The following DTNA variants were observed in gnomAD, a reference collection of about 807,000 sequenced individuals.
DTNA encodes dystrophin-related protein 3.
Under a neutral mutation model 100.7 loss-of-function variants are expected in DTNA, and 43 were observed. That is an observed-to-expected ratio of 0.43 (90% CI 0.33 to 0.55). The LOEUF is 0.55. Ranked by LOEUF, DTNA falls within the 20% of genes least tolerant of loss-of-function variation. DTNA has a pLI of 0.04. For missense variants in DTNA, 798 were observed against 953.9 expected (o/e 0.84, Z 2.15); for synonymous variants, 349 against 347.9 (o/e 1.00, Z -0.04).
rs563997816 is a variant in DTNA, at chr18:34,825,012, C to A, written c.1002-2581C>A. On this transcript the variant is annotated intron_variant, in intron 9 of 22. Coordinates refer to ENST00000444659, the MANE Select transcript of DTNA (RefSeq NM_001386795.1). ...ACTAATACACACACATATACACACA[C>A]ATACATACATTTGTATATGGAAATG... Among the ~76,000 whole-genome samples, 7 of 149,810 alleles carry A rather than the reference C, an allele frequency of 4.7e-5. No homozygotes were observed. The South Asian group carries it at 1.5e-3, about 32-fold the overall frequency.
intron 4 of DTNA, among the ~76,000 whole-genome samples, chr18:34,798,039 G>A (rs976473785): frequency 6.6e-5 from 10 of 152,014 alleles, no homozygotes; most frequent in Admixed American, 3.3e-4. Flanking sequence ...TCACTCTGCC[G>A]CCCAGGCTGG....
At chr18:34,863,340 G>A (rs1037486923) in intron 16 of DTNA, among the ~76,000 whole-genome samples, 2 of 152,278 alleles carry the variant, frequency 1.3e-5, no homozygotes, top group African/African-American at 4.8e-5. Flanking sequence ...AATTAAGCAT[G>A]AACCTTATAT....
intron 20 of DTNA, among the ~76,000 whole-genome samples, chr18:34,881,464 A>ATTTTTTTTTTTTTT (rs2096872730): frequency 2.9e-5 from 1 of 34,564 alleles, no homozygotes; most frequent in African/African-American, 1.6e-4. Context: ...TTTTTTTTTC[A>ATTTTTTTTTTTTTT]GATTTAGAGC....
chr18:34,529,185 A>G lies in DTNA; in HGVS notation c.-2+35671A>G, dbSNP rs11876319. Among the ~76,000 whole-genome samples, 466 of 152,242 alleles carry G rather than the reference A, an allele frequency of 3.1e-3. 3 individuals are homozygous for G. Among genetic ancestry groups the G allele is most frequent in the African/African-American group, 0.011 (449 of 41,554 alleles). On this transcript the variant is annotated intron_variant, in intron 1 of 19. Coordinates refer to the DTNA transcript ENST00000283365. ...CCCATTCTAGTGACTGCTTATTTTT[A>G]GAATTCTTGTTATATTAGAACTCTA... is the stretch of plus-strand genomic sequence containing the variant.
At chr18:34,579,502 C>A (rs1314143373) in intron 1 of DTNA, among the ~76,000 whole-genome samples, 5 of 152,140 alleles carry the variant, frequency 3.3e-5, no homozygotes, top group African/African-American at 1.2e-4. Flanking sequence ...CACTCTCAAC[C>A]TTTCTCATCT....
At chr18:34,614,164 G>A (rs2054776452) in intron 1 of DTNA, among the ~76,000 whole-genome samples, 1 of 152,164 alleles carries the variant, frequency 6.6e-6, no homozygotes, top group African/African-American at 2.4e-5. Flanking sequence ...TCTGTTTATA[G>A]CATGGTTTCC....
At chr18:34,675,490 A>G (rs1476454601) in intron 1 of DTNA, among the ~76,000 whole-genome samples, 4 of 152,176 alleles carry the variant, frequency 2.6e-5, no homozygotes, top group Non-Finnish European at 4.4e-5. Flanking sequence ...GATTGTGATG[A>G]TGAAATTATT....
At chr18:34,774,314 G>C (rs926685498) in intron 3 of DTNA, among the ~76,000 whole-genome samples, 1 of 152,196 alleles carries the variant, frequency 6.6e-6, no homozygotes, top group Non-Finnish European at 1.5e-5. Flanking sequence ...GCCCAGAAGG[G>C]GTTCTCCCAC....
chr18:34,876,424 T>C (rs2096819161), intron 18 of DTNA, among the ~76,000 whole-genome samples: 1 of 152,130 alleles, frequency 6.6e-6, no homozygotes, highest in Non-Finnish European at 1.5e-5. Flanking sequence ...ATTTCAGTTA[T>C]ACAAAAATCA....
At chr18:34,723,213 A>G (rs1185664727) in intron 1 of DTNA, among the ~76,000 whole-genome samples, 1 of 152,240 alleles carries the variant, frequency 6.6e-6, no homozygotes, top group Non-Finnish European at 1.5e-5. Context: ...TAGTCAAAGA[A>G]ACTGTATAAG....
chr18:34,829,046 A>C, intron 10 of DTNA: 1 of 1,614,126 alleles, frequency 6.2e-7, no homozygotes, highest in Non-Finnish European at 8.5e-7. Flanking sequence ...TTCAGCTCGG[A>C]CGGTGCTTTT....
intron 22 of DTNA, among the ~76,000 whole-genome samples, chr18:34,885,208 T>C (rs1243656118): frequency 2.0e-5 from 3 of 152,198 alleles, no homozygotes; most frequent in Non-Finnish European, 4.4e-5. Context: ...AGAGATCAAA[T>C]GTGTGTGCCT....
rs2096938776 is a variant in DTNA at position 34,888,069 on chromosome 18, T to G, written c.*335T>G. The G allele has an allele frequency of 1.0e-6, 1 of 985,894 alleles. No individual in the cohort carries two copies. The highest frequency in any genetic ancestry group is 1.2e-6 in the Non-Finnish European group (1 of 829,938). 61.1% of individuals were successfully genotyped at this position (985,894 alleles called of 1,614,324 possible). The stretch of plus-strand genomic sequence containing the variant: ...CCTCTGTAACGTGGTTCATCCCTGG[T>G]TAAAAAGCAAACAAACACAGGCTGA... On this transcript the variant is annotated 3_prime_UTR_variant, in exon 23 of 23. Transcript: ENST00000444659.
chr18:34,507,988 A>G (rs1185998175), intron 1 of DTNA, among the ~76,000 whole-genome samples: 1 of 152,228 alleles, frequency 6.6e-6, no homozygotes, highest in African/African-American at 2.4e-5. Flanking sequence ...TCAAGTAAAT[A>G]TAGTAAGGAA....
At chr18:34,744,941 C>T (rs1802285136) in intron 1 of DTNA, among the ~76,000 whole-genome samples, 1 of 130,438 alleles carries the variant, frequency 7.7e-6, no homozygotes. Flanking sequence ...AGTCTTAAAC[C>T]TTACATTGTC....
intron 1 of DTNA, among the ~76,000 whole-genome samples, chr18:34,662,664 C>T (rs1414992624): frequency 2.0e-5 from 3 of 152,284 alleles, no homozygotes; most frequent in South Asian, 4.1e-4. Flanking sequence ...TTCTGATTTA[C>T]TCATATCATT....
chr18:34,494,941 G>A (rs1452333127), intron 1 of DTNA, among the ~76,000 whole-genome samples: 1 of 151,642 alleles, frequency 6.6e-6, no homozygotes, highest in Non-Finnish European at 1.5e-5. Context: ...GGAAAAAAGT[G>A]TTCCACATGT....
chr18:34,653,890 G>A (rs1392863556), intron 1 of DTNA, among the ~76,000 whole-genome samples: 1 of 152,084 alleles, frequency 6.6e-6, no homozygotes, highest in African/African-American at 2.4e-5. Flanking sequence ...ATATCAAACA[G>A]CTTTGAATTG....
chr18:34,863,703 A>G (rs1025044917), intron 16 of DTNA, among the ~76,000 whole-genome samples: 2 of 152,232 alleles, frequency 1.3e-5, no homozygotes, highest in African/African-American at 4.8e-5. Context: ...ATTTCATTCA[A>G]TGGTTGATTA....
Sources: allele counts gnomAD v4.1 joint callset (sites outside exome capture counted in the v4.1 genomes callset), GRCh38; gene constraint gnomAD v4.1.1; transcripts MANE v1.5; gene names NCBI Gene and HGNC (gene_info 2026-07-23, HGNC 2026-07-21).